ITPR1: variants seen among roughly 807,000 people sequenced by gnomAD.
ITPR1 encodes inositol 1,4,5-trisphosphate receptor type 1.
In ITPR1, 96 loss-of-function variants were observed where a neutral mutation model predicts 318.4. The observed-to-expected ratio is 0.30, with a 90% CI of 0.26 to 0.36. ITPR1 has a LOEUF of 0.36. Ranked by LOEUF, ITPR1 falls within the 10% of genes least tolerant of loss-of-function variation. The pLI, the probability that ITPR1 is intolerant of heterozygous loss-of-function variation, is 1.00. For synonymous variants in ITPR1, 1,312 were observed against 1,289.9 expected, an observed-to-expected ratio of 1.02 and a Z score of -0.37; for missense variants, 2,440 against 3,460.2, an observed-to-expected ratio of 0.71 and a Z score of 7.40.
intron 40 of ITPR1, among the ~76,000 whole-genome samples, chr3:4,722,806 C>G (rs1206741900): frequency 6.6e-6 from 1 of 152,200 alleles, no homozygotes; most frequent in African/African-American, 2.4e-5. Context: ...ATGAAATTTA[C>G]TGAAAATAAA....
intron 4 of ITPR1, among the ~76,000 whole-genome samples, chr3:4,585,108 A>T (rs1021085491): frequency 3.3e-5 from 5 of 152,122 alleles, no homozygotes; most frequent in Non-Finnish European, 5.9e-5. Flanking sequence ...TTGTGTTGTC[A>T]TCTTGATACT....
At chr3:4,520,128 T>C (rs1050140159) in intron 3 of ITPR1, among the ~76,000 whole-genome samples, 2 of 152,196 alleles carry the variant, frequency 1.3e-5, no homozygotes, top group Non-Finnish European at 2.9e-5. Context: ...GTGTGTTAGC[T>C]GGGAACAACT....
At chr3:4,597,984 A>G (rs983008091) in intron 4 of ITPR1, among the ~76,000 whole-genome samples, 1 of 152,226 alleles carries the variant, frequency 6.6e-6, no homozygotes, top group East Asian at 1.9e-4. Context: ...TTGATAAACC[A>G]TCCTTCAGCT....
chr3:4,607,549 G>T (rs985035767), intron 4 of ITPR1, among the ~76,000 whole-genome samples: 1 of 152,122 alleles, frequency 6.6e-6, no homozygotes, highest in African/African-American at 2.4e-5. Flanking sequence ...TACACATAGT[G>T]CTGACTAAAT....
chr3:4,794,859 G>T (rs1364708858), intron 52 of ITPR1: 3 of 504,112 alleles, frequency 6.0e-6, no homozygotes, highest in African/African-American at 1.9e-5. Context: ...TACATCTTCT[G>T]TTCCAGTAAG....
intron 54 of ITPR1, 61 bp downstream of exon 54, chr3:4,800,661 C>G: frequency 6.6e-7 from 1 of 1,524,000 alleles, no homozygotes; most frequent in Non-Finnish European, 9.1e-7. Context: ...ATGCCTTGCA[C>G]TCTGGTTTCT....
chr3:4,578,614 C>T (rs2088948473), intron 4 of ITPR1, among the ~76,000 whole-genome samples: 1 of 152,114 alleles, frequency 6.6e-6, no homozygotes, highest in South Asian at 2.1e-4. Context: ...CTGTGATGAG[C>T]TTCTTCAGTA....
At chr3:4,609,089 T>TATATATAC (rs1171860541) in intron 4 of ITPR1, among the ~76,000 whole-genome samples, 43 of 91,920 alleles carry the variant, frequency 4.7e-4, no homozygotes, top group Admixed American at 8.2e-4. Context: ...TATATATATA[T>TATATATAC]ACACACACAC....
In ITPR1 at chr3:4,568,069, A is replaced by G. The variant is rs113724232; in HGVS notation, c.163+46975A>G. Among the ~76,000 whole-genome samples, 82 of 152,322 alleles carry G rather than the reference A, an allele frequency of 5.4e-4. 1 individual carries two copies. Among genetic ancestry groups the G allele is most frequent in the African/African-American group, 1.9e-3 (78 of 41,574 alleles). On this transcript the variant is annotated intron_variant, in intron 4 of 61. Coordinates refer to ENST00000649015, the MANE Select transcript of ITPR1 (RefSeq NM_001378452.1). ...GTCGGTGCAGTGAGGTGGGGATGGG[A>G]GAGCCTGAAGGCGCAGACCTGAGAA...
At chr3:4,589,901 G>A (rs1172507195) in intron 4 of ITPR1, among the ~76,000 whole-genome samples, 5 of 152,154 alleles carry the variant, frequency 3.3e-5, no homozygotes, top group Admixed American at 1.3e-4. Flanking sequence ...GCCTGCCTCT[G>A]GAAGTGGGCC....
chr3:4,590,189 T>C (rs899471096), intron 4 of ITPR1, among the ~76,000 whole-genome samples: 2 of 146,084 alleles, frequency 1.4e-5, no homozygotes, highest in African/African-American at 2.5e-5. Flanking sequence ...TTTTTTTTTT[T>C]TTTTTTGTCT....
chr3:4,669,914 G>T (rs763370236), intron 19 of ITPR1, 141 bp downstream of exon 19: 2 of 892,616 alleles, frequency 2.2e-6, no homozygotes, highest in Non-Finnish European at 3.1e-6. Flanking sequence ...TATTGGAAAA[G>T]TCTTGATTAG....
At chr3:4,627,930 G>C in intron 5 of ITPR1, 52 bp downstream of exon 5, 7 of 1,101,346 alleles carry the variant, frequency 6.4e-6, no homozygotes, top group Admixed American at 4.0e-5. Flanking sequence ...GGCTGCCTTG[G>C]TGGTATCTGG....
At chr3:4,787,265 G>T (rs1309216377) in intron 51 of ITPR1, among the ~76,000 whole-genome samples, 1 of 148,130 alleles carries the variant, frequency 6.8e-6, no homozygotes, top group Non-Finnish European at 1.5e-5. Context: ...GGTTCACAGG[G>T]AGGTGGAGGT....
At chr3:4,720,384 C>T (rs1328567938) in intron 40 of ITPR1, among the ~76,000 whole-genome samples, 1 of 152,226 alleles carries the variant, frequency 6.6e-6, no homozygotes, top group Non-Finnish European at 1.5e-5. Flanking sequence ...GTGGCCCCAA[C>T]AGGTAATCAT....
At chr3:4,764,186 C>T (rs1241715940) in intron 44 of ITPR1, among the ~76,000 whole-genome samples, 4 of 151,990 alleles carry the variant, frequency 2.6e-5, no homozygotes, top group Admixed American at 6.6e-5. Flanking sequence ...TTTTTTGTCT[C>T]CTTTATTGAC....
At position 4,576,972 on chromosome 3, in the gene ITPR1, A is replaced by G. The variant is rs144818142; in HGVS notation, c.164-50791A>G. On this transcript the variant is annotated intron_variant, in intron 4 of 61. Coordinates refer to ENST00000649015, the MANE Select transcript of ITPR1 (RefSeq NM_001378452.1). Reference sequence around the variant, plus strand: ...TCCTCTAAACACCCAGTCCTGGGCTAGACCCCGGGATCCTGCTGAAAAGAA... The same window carrying G: ...TCCTCTAAACACCCAGTCCTGGGCTGGACCCCGGGATCCTGCTGAAAAGAA... Among the ~76,000 whole-genome samples, 36 of 152,350 alleles carry G rather than the reference A, an allele frequency of 2.4e-4. No homozygotes were observed. The East Asian group carries it at 6.7e-3, about 29-fold the overall frequency.
At chr3:4,798,435 A>T (rs2048027119) in intron 53 of ITPR1, among the ~76,000 whole-genome samples, 1 of 152,262 alleles carries the variant, frequency 6.6e-6, no homozygotes, top group South Asian at 2.1e-4. Flanking sequence ...TGACTAAATG[A>T]AAAAGATGGG....
At chr3:4,684,527 C>A (rs2094356814) in intron 29 of ITPR1, among the ~76,000 whole-genome samples, 181 bp downstream of exon 29, 1 of 152,196 alleles carries the variant, frequency 6.6e-6, no homozygotes, top group Non-Finnish European at 1.5e-5. Context: ...GGGCTCCACA[C>A]CCAGCTCTTC....
Sources: allele counts gnomAD v4.1 joint callset (sites outside exome capture counted in the v4.1 genomes callset), GRCh38; gene constraint gnomAD v4.1.1; transcripts MANE v1.5; gene names NCBI Gene and HGNC (gene_info 2026-07-23, HGNC 2026-07-21).